Variants in CPNE4 observed in about 807,000 individuals in gnomAD.
CPNE4 encodes copine-4.
In CPNE4, 25 loss-of-function variants were observed where a neutral mutation model predicts 67.9. The ratio of observed to expected loss-of-function variants is 0.37; its 90% CI spans 0.27 to 0.51. The LOEUF is 0.51. Among genes scored for constraint, CPNE4 ranks in the 20% least tolerant of loss-of-function variants. The probability of loss-of-function intolerance (pLI) is 0.93; values close to 1 mark genes in which losing one functional copy is unlikely to be tolerated. For synonymous variants in CPNE4, 242 were observed against 244.9 expected (o/e 0.99, Z 0.11); for missense variants, 464 against 690.8 (o/e 0.67, Z 3.68).
chr3:131,993,706 G>A (rs1381588030), intron 1 of CPNE4, among the ~76,000 whole-genome samples: 1 of 135,170 alleles, frequency 7.4e-6, no homozygotes, highest in Non-Finnish European at 1.7e-5. Flanking sequence ...GTGTTAATAG[G>A]TAATGCTCTC....
rs552767490 is a variant in CPNE4 at position 131,622,480 on chromosome 3, C to T, written c.682-34898G>A. On this transcript the variant is annotated intron_variant, in intron 7 of 15. Transcript: ENST00000429747. Reference sequence around the variant, plus strand: ...CATTTAAAAGTCTTGAAGGCCATCTCCTAGACTTAATAAACATGAACAGAT... The same window carrying T: ...CATTTAAAAGTCTTGAAGGCCATCTTCTAGACTTAATAAACATGAACAGAT... 2.0e-5 allele frequency among the ~76,000 whole-genome samples: 3 copies of T among 152,244 alleles called. No homozygotes were observed. In the East Asian group the frequency reaches 5.8e-4, roughly 29 times the overall value.
rs543525579 is a variant in CPNE4 at position 132,001,695 on chromosome 3, T to C, written c.-2+32872A>G. On this transcript the variant is annotated intron_variant, in intron 1 of 15. Transcript: ENST00000429747. ...TCAAAGCAACAATTCTTACAGATTC[T>C]TCATGTCTGCATGAGGTGAATAAAA... 8.5e-5 allele frequency among the ~76,000 whole-genome samples: 13 copies of C among 152,256 alleles called. No homozygotes were observed. In the South Asian group the frequency reaches 2.5e-3, roughly 29 times the overall value.
chr3:131,884,555 G>A (rs1189319451), intron 2 of CPNE4, among the ~76,000 whole-genome samples: 2 of 152,116 alleles, frequency 1.3e-5, no homozygotes, highest in Non-Finnish European at 2.9e-5. Context: ...CAGAGAGCAG[G>A]TTCCGCTCAT....
chr3:131,725,194 C>T lies in CPNE4; in HGVS notation c.181-1569G>A, dbSNP rs866630252. Among the ~76,000 whole-genome samples, 7 of 152,340 alleles carry T rather than the reference C, an allele frequency of 4.6e-5. No individual in the cohort carries two copies. In the South Asian group the frequency reaches 1.4e-3, roughly 32 times the overall value. ...ACCATATTATGCATGTCCATGTTGC[C>T]TAGCAAAGAAAATCTGATATTTGTT... On this transcript the variant is annotated intron_variant, in intron 2 of 15. Coordinates refer to ENST00000429747, the MANE Select transcript of CPNE4 (RefSeq NM_130808.3).
chr3:131,708,083 A>G (rs545422310), intron 3 of CPNE4, among the ~76,000 whole-genome samples: 1 of 19,942 alleles, frequency 5.0e-5, no homozygotes, highest in South Asian at 1.1e-3. Flanking sequence ...ATAGTCACCT[A>G]TTGGCTTAGG....
chr3:132,037,849 C>T, upstream of CPNE4: 1 of 447,972 alleles, frequency 2.2e-6, no homozygotes, highest in South Asian at 4.0e-5. Flanking sequence ...CTTACCAATG[C>T]AGTTGATACC....
intron 11 of CPNE4, among the ~76,000 whole-genome samples, chr3:131,563,458 T>C (rs1018703236): frequency 6.6e-6 from 1 of 152,076 alleles, no homozygotes; most frequent in Non-Finnish European, 1.5e-5. Flanking sequence ...ACGTAATTTA[T>C]GCAAGATACT....
At chr3:131,978,995 G>A (rs2072832227) in intron 1 of CPNE4, among the ~76,000 whole-genome samples, 1 of 151,984 alleles carries the variant, frequency 6.6e-6, no homozygotes, top group Non-Finnish European at 1.5e-5. Flanking sequence ...GTATTTGCAT[G>A]GTTTTGAAAG....
At chr3:131,557,296 T>C (rs1218623406) in intron 11 of CPNE4, among the ~76,000 whole-genome samples, 1 of 152,098 alleles carries the variant, frequency 6.6e-6, no homozygotes, top group Non-Finnish European at 1.5e-5. Flanking sequence ...CATTTCACTG[T>C]TCTTGGTATA....
chr3:131,575,175 T>C lies in CPNE4; in HGVS notation c.868-45A>G, dbSNP rs1232504080. 3.3e-6 allele frequency: 5 copies of C among 1,523,822 alleles called. No homozygotes were observed. In the South Asian group the frequency reaches 5.6e-5, roughly 17 times the overall value. The allele number at this position is 1,523,822 out of a possible 1,614,324, so 94.4% of individuals were successfully genotyped here. A position where few individuals can be genotyped will look rare whatever the true frequency, so the allele number is the denominator to read the frequency against. ...AAACTGGGTTAATAACAGCACAGTC[T>C]ATTTCCTGATATATTGGAGGCCTAA... On this transcript the variant is annotated intron_variant, in intron 9 of 15. Coordinates refer to ENST00000429747, the MANE Select transcript of CPNE4 (RefSeq NM_130808.3).
intron 1 of CPNE4, among the ~76,000 whole-genome samples, chr3:131,974,909 G>T (rs892606298): frequency 1.3e-5 from 2 of 152,134 alleles, no homozygotes; most frequent in African/African-American, 4.8e-5. Flanking sequence ...TCGGGAGGCT[G>T]AGGGGGGAGG....
chr3:131,542,917 G>C lies in CPNE4; in HGVS notation c.1303-124C>G. ...ATTGACCAAAGCAACAGTGATGACA[G>C]ACATTTTTTGAATGTGCTGATAGTC... is the stretch of plus-strand genomic sequence containing the variant. On this transcript the variant is annotated intron_variant, in intron 14 of 15. Transcript: ENST00000429747. 4.5e-6 allele frequency: 3 copies of C among 661,076 alleles called. No individual in the cohort carries two copies. The South Asian group carries it at 5.4e-5, about 12-fold the overall frequency. 41.0% of individuals were successfully genotyped at this position (661,076 alleles called of 1,614,324 possible). A position where few individuals can be genotyped will look rare whatever the true frequency, so the allele number is the denominator to read the frequency against.
intron 15 of CPNE4, among the ~76,000 whole-genome samples, chr3:131,540,850 T>C (rs1935440606): frequency 7.1e-6 from 1 of 140,688 alleles, no homozygotes; most frequent in Non-Finnish European, 1.5e-5. Flanking sequence ...CCAGCAGGGG[T>C]CTTTGAGATG....
intron 1 of CPNE4, among the ~76,000 whole-genome samples, chr3:131,971,707 C>T (rs1284795013): frequency 6.6e-6 from 1 of 152,090 alleles, no homozygotes; most frequent in African/African-American, 2.4e-5. Flanking sequence ...CATCTGGGGG[C>T]AGTCAATGGG....
At chr3:131,828,659 TGTTGA>T (rs1417600217) in intron 2 of CPNE4, among the ~76,000 whole-genome samples, 1 of 152,208 alleles carries the variant, frequency 6.6e-6, no homozygotes, top group East Asian at 1.9e-4. Context: ...GAAGGGGAAC[TGTTGA>T]GTTCACACAT....
intron 2 of CPNE4, among the ~76,000 whole-genome samples, chr3:131,870,794 A>G (rs1001404676): frequency 6.6e-6 from 1 of 152,220 alleles, no homozygotes; most frequent in African/African-American, 2.4e-5. Flanking sequence ...TAGACTCAGG[A>G]TAGCAGATAG....
intron 15 of CPNE4, among the ~76,000 whole-genome samples, chr3:131,542,283 G>A (rs1935545460): frequency 6.6e-6 from 1 of 152,046 alleles, no homozygotes. Flanking sequence ...GTGAAATTTT[G>A]CCTACAATAG....
intron 2 of CPNE4, among the ~76,000 whole-genome samples, chr3:131,848,091 T>C (rs2086074767): frequency 6.6e-6 from 1 of 152,128 alleles, no homozygotes; most frequent in South Asian, 2.1e-4. Flanking sequence ...TAGAATAAAA[T>C]TATATGATTA....
intron 2 of CPNE4, among the ~76,000 whole-genome samples, chr3:131,743,941 C>G (rs1365640015): frequency 3.0e-5 from 3 of 100,064 alleles, no homozygotes; most frequent in African/African-American, 1.3e-4. Flanking sequence ...CCAGCCTGGG[C>G]GACAGAGCGA....
Sources: allele counts gnomAD v4.1 joint callset (sites outside exome capture counted in the v4.1 genomes callset), GRCh38; gene constraint gnomAD v4.1.1; transcripts MANE v1.5; gene names NCBI Gene and HGNC (gene_info 2026-07-23, HGNC 2026-07-21).